The following CCT3 variants were observed in gnomAD, a reference collection of about 807,000 sequenced individuals.
The protein encoded by CCT3 is T-complex protein 1 subunit gamma.
In CCT3, 10 loss-of-function variants were observed where a neutral mutation model predicts 65.3. The ratio of observed to expected loss-of-function variants is 0.15; its 90% CI spans 0.09 to 0.26. The LOEUF is 0.26. CCT3 is among the 10% of genes least tolerant of loss of function. The pLI is 1.00. For missense variants in CCT3, 626 were observed against 708.7 expected (o/e 0.88, Z 1.33); for synonymous variants, 225 against 242.3 (o/e 0.93, Z 0.66).
intron 6 of CCT3, among the ~76,000 whole-genome samples, chr1:156,324,510 T>G (rs1664719790): frequency 6.6e-6 from 1 of 152,150 alleles, no homozygotes; most frequent in Admixed American, 6.5e-5. Context: ...TCGCTCTTGT[T>G]GCTCAGGTTG....
chr1:156,331,963 G>A (rs1448720085), intron 5 of CCT3, among the ~76,000 whole-genome samples: 1 of 151,946 alleles, frequency 6.6e-6, no homozygotes, highest in African/African-American at 2.4e-5. Flanking sequence ...ACCCGAGAGG[G>A]GGAGGTTGCG....
At chr1:156,321,055 A>T (rs774763210) in intron 6 of CCT3, 30 bp from the exon 7 acceptor site, 1 of 1,582,032 alleles carries the variant, frequency 6.3e-7, no homozygotes, top group Admixed American at 1.7e-5. Context: ...ACGATATGTG[A>T]AGAAGGCATG....
In CCT3 at chr1:156,325,022, A is replaced by G. The variant is rs777184386; in HGVS notation, c.372T>C (p.Ser124=). The change falls in exon 6 of 14, where the codon AGT becomes AGC. Residue 124 remains serine (S), a synonymous_variant. Coordinates refer to ENST00000295688, the MANE Select transcript of CCT3 (RefSeq NM_005998.5). ...EQQMHPTVVI[S]AYRKALDDMI... ...TATCATCCAATGCCTTGCGGTAAGC[A>G]CTGATCACCACTGTTGGGTGCATCT... 3.7e-6 allele frequency: 6 copies of G among 1,613,644 alleles called. No individual in the cohort carries two copies. The Admixed American group carries it at 6.7e-5, about 18-fold the overall frequency.
At chr1:156,311,994 A>T in intron 11 of CCT3, 47 bp downstream of exon 11, 1 of 1,476,126 alleles carries the variant, frequency 6.8e-7, no homozygotes. Context: ...ACTCTCAAGA[A>T]GTTCAGTGAT....
At chr1:156,323,717 C>T (rs577071863) in intron 6 of CCT3, among the ~76,000 whole-genome samples, 8 of 151,624 alleles carry the variant, frequency 5.3e-5, no homozygotes, top group South Asian at 2.1e-4. Context: ...CGCCCGCCTC[C>T]GCCTCCCAAA....
In CCT3 at chr1:156,335,905, C is replaced by G; in HGVS notation, c.32-17G>C. On this transcript the variant is annotated splice_polypyrimidine_tract_variant and intron_variant, in intron 1 of 13. Transcript: ENST00000295688. ...TGTTCTGGCCTAAAATAGACAAAAA[C>G]ACAAGTCAACAGCCCAGGACTGCCC... 6.2e-7 allele frequency: 1 copy of G among 1,610,662 alleles called. No individual in the cohort carries two copies. Among genetic ancestry groups the G allele is most frequent in the South Asian group, 1.1e-5 (1 of 90,954 alleles).
chr1:156,314,104 A>AAAAC (rs1215649044), intron 10 of CCT3, among the ~76,000 whole-genome samples: 37 of 136,806 alleles, frequency 2.7e-4, no homozygotes, highest in African/African-American at 7.1e-4. Context: ...AAAAAAAAAA[A>AAAAC]GTCAACATTA....
At position 156,338,266 on chromosome 1, in the gene CCT3, A is replaced by C. The variant is rs1196680040; in HGVS notation, c.-82T>G. On this transcript the variant is annotated 5_prime_UTR_variant, in exon 1 of 14. Coordinates refer to ENST00000295688, the MANE Select transcript of CCT3 (RefSeq NM_005998.5). ...GAGAGAGAGAACCAGACAGAAGCCCAGAAAACGCTGCCTCCTCAGGGCTTA... is the reference window on the plus strand; with the variant it reads ...GAGAGAGAGAACCAGACAGAAGCCCCGAAAACGCTGCCTCCTCAGGGCTTA... 6 of 1,440,716 alleles carry C rather than the reference A, an allele frequency of 4.2e-6. No homozygotes were observed. The highest frequency in any genetic ancestry group is 1.7e-4 in the Middle Eastern group (1 of 5,756). 89.2% of individuals were successfully genotyped at this position (1,440,716 alleles called of 1,614,324 possible). A position where few individuals can be genotyped will look rare whatever the true frequency, so the allele number is the denominator to read the frequency against.
intron 5 of CCT3, among the ~76,000 whole-genome samples, chr1:156,330,291 A>G (rs10908502): frequency 0.24 from 36,642 of 152,206 alleles, 4,923 homozygotes; most frequent in Non-Finnish European, 0.29. Flanking sequence ...TGAATCCTCA[A>G]AAGAACTGGA....
chr1:156,330,814 T>A (rs1665069991), intron 5 of CCT3, among the ~76,000 whole-genome samples: 1 of 151,226 alleles, frequency 6.6e-6, no homozygotes, highest in Non-Finnish European at 1.5e-5. Flanking sequence ...ACAGAAAGGC[T>A]GAGACAGGAG....
intron 10 of CCT3, among the ~76,000 whole-genome samples, chr1:156,313,745 CCA>C (rs1664186934): frequency 6.6e-6 from 1 of 152,146 alleles, no homozygotes; most frequent in African/African-American, 2.4e-5. Flanking sequence ...ATACTCTAGA[CCA>C]CACAGTCAGA....
chr1:156,319,359 G>A lies in CCT3; in HGVS notation c.610-342C>T, dbSNP rs1260818961. 4.6e-5 allele frequency among the ~76,000 whole-genome samples: 7 copies of A among 151,606 alleles called. No homozygotes were observed. In the East Asian group the frequency reaches 9.6e-4, roughly 21 times the overall value. On this transcript the variant is annotated intron_variant, in intron 7 of 13. Coordinates refer to ENST00000295688, the MANE Select transcript of CCT3 (RefSeq NM_005998.5). ...TCTCGATCTCCTGACCTCGTGATCC[G>A]CCCGCCTCGGCCTCCCAAAGTGCTG...
intron 5 of CCT3, among the ~76,000 whole-genome samples, chr1:156,330,604 G>A (rs1665063150): frequency 6.6e-6 from 1 of 152,108 alleles, no homozygotes; most frequent in East Asian, 1.9e-4. Flanking sequence ...AGAGGTTGCA[G>A]TGAGCCAAGA....
At chr1:156,333,504 T>C (rs964203572) in intron 5 of CCT3, 43 bp downstream of exon 5, 4 of 1,358,158 alleles carry the variant, frequency 2.9e-6, no homozygotes, top group African/African-American at 2.9e-5. Flanking sequence ...GACACAGGTG[T>C]TACTTCTAAT....
At position 156,319,023 on chromosome 1, in the gene CCT3, C is replaced by T; in HGVS notation, c.610-6G>A. The T allele has an allele frequency of 6.3e-7, 1 of 1,588,546 alleles. No individual in the cohort carries two copies. Among genetic ancestry groups the T allele is most frequent in the Admixed American group, 1.8e-5 (1 of 54,332 alleles). ...TCAATGATGCCTCCAGGTATCTGAACAAAAGACAACTGCACTTTAATCCAC... is the reference window on the plus strand; with the variant it reads ...TCAATGATGCCTCCAGGTATCTGAATAAAAGACAACTGCACTTTAATCCAC... On this transcript the variant is annotated splice_region_variant and splice_polypyrimidine_tract_variant and intron_variant, in intron 7 of 13. Transcript: ENST00000295688.
intron 1 of CCT3, 105 bp downstream of exon 1, chr1:156,338,049 G>A (rs1665526015): frequency 8.1e-6 from 10 of 1,230,642 alleles, no homozygotes; most frequent in Non-Finnish European, 1.2e-5. Context: ...ATGATTGGAA[G>A]GCTCAGTGGC....
intron 5 of CCT3, among the ~76,000 whole-genome samples, chr1:156,327,806 C>G (rs920174309): frequency 1.4e-5 from 2 of 147,290 alleles, no homozygotes; most frequent in African/African-American, 5.1e-5. Flanking sequence ...AAGTGAGGAG[C>G]TTCTCTGCCC....
At chr1:156,315,599 T>C (rs907906088) in intron 10 of CCT3, among the ~76,000 whole-genome samples, 1 of 152,196 alleles carries the variant, frequency 6.6e-6, no homozygotes, top group African/African-American at 2.4e-5. Flanking sequence ...TATGTGATAG[T>C]TAATTGTGTT....
intron 5 of CCT3, 102 bp from the exon 6 acceptor site, chr1:156,325,191 C>A: frequency 1.2e-6 from 1 of 832,440 alleles, no homozygotes; most frequent in Admixed American, 1.9e-5. Flanking sequence ...ATCAGACTCT[C>A]CCAAAAGGTA....
Sources: allele counts gnomAD v4.1 joint callset (sites outside exome capture counted in the v4.1 genomes callset), GRCh38; gene constraint gnomAD v4.1.1; transcripts MANE v1.5; gene names NCBI Gene and HGNC (gene_info 2026-07-23, HGNC 2026-07-21).